COMMD1: variants seen among roughly 807,000 people sequenced by gnomAD.
The protein encoded by COMMD1 is COMM domain-containing protein 1.
Under a neutral mutation model 17.2 loss-of-function variants are expected in COMMD1, and 10 were observed. That is an observed-to-expected ratio of 0.58 (90% CI 0.36 to 0.99). The LOEUF is 0.99. COMMD1 is among the 50% of genes least tolerant of loss of function. The pLI, the probability that COMMD1 is intolerant of heterozygous loss-of-function variation, is 0.01. For synonymous variants in COMMD1, 97 were observed against 91.6 expected, an observed-to-expected ratio of 1.06 and a Z score of -0.34; for missense variants, 270 against 231.8, an observed-to-expected ratio of 1.17 and a Z score of -1.07.
chr2:62,062,050 G>C (rs1376344250), intron 2 of COMMD1, among the ~76,000 whole-genome samples: 5 of 151,266 alleles, frequency 3.3e-5, no homozygotes, highest in Non-Finnish European at 7.4e-5. Flanking sequence ...AGTGAAATGA[G>C]CAAGGACTGT....
chr2:61,994,985 C>T (rs1037901626), intron 1 of COMMD1, among the ~76,000 whole-genome samples: 1 of 152,136 alleles, frequency 6.6e-6, no homozygotes, highest in African/African-American at 2.4e-5. Context: ...GGAGGCTTAC[C>T]CTGGGGACTA....
At chr2:62,102,704 G>T (rs960766538) in intron 2 of COMMD1, among the ~76,000 whole-genome samples, 1 of 152,054 alleles carries the variant, frequency 6.6e-6, no homozygotes, top group Admixed American at 6.6e-5. Flanking sequence ...CCAAAGCCAG[G>T]CATAAAACCT....
intron 2 of COMMD1, among the ~76,000 whole-genome samples, chr2:62,117,047 T>G (rs1228813934): frequency 6.6e-6 from 1 of 150,426 alleles, no homozygotes; most frequent in Non-Finnish European, 1.5e-5. Context: ...ACAGTTCTGC[T>G]GCTGATGGTA....
At chr2:61,996,352 GTGTGTC>G (rs1456941375) in intron 1 of COMMD1, among the ~76,000 whole-genome samples, 5 of 141,416 alleles carry the variant, frequency 3.5e-5, no homozygotes, top group African/African-American at 1.0e-4. Context: ...GTGTGTGTGT[GTGTGTC>G]AGAAGTGGGA....
At chr2:61,993,734 A>G (rs1668660039) in intron 1 of COMMD1, among the ~76,000 whole-genome samples, 1 of 152,202 alleles carries the variant, frequency 6.6e-6, no homozygotes, top group Non-Finnish European at 1.5e-5. Context: ...TTCTCATTTA[A>G]TTTTTGATTG....
chr2:62,013,724 G>T (rs1340099591), intron 2 of COMMD1, among the ~76,000 whole-genome samples: 1 of 152,128 alleles, frequency 6.6e-6, no homozygotes, highest in Non-Finnish European at 1.5e-5. Context: ...TGAGGAATTG[G>T]GGGTAACACC....
intron 1 of COMMD1, among the ~76,000 whole-genome samples, chr2:61,988,535 T>C (rs1314131433): frequency 1.3e-5 from 2 of 152,112 alleles, no homozygotes; most frequent in Non-Finnish European, 2.9e-5. Flanking sequence ...GGTGTCCAAG[T>C]TGCATAACAA....
intron 2 of COMMD1, among the ~76,000 whole-genome samples, chr2:62,002,491 GAAAAAAAAAAAAA>G (rs11310507): frequency 2.1e-3 from 72 of 35,100 alleles, no homozygotes; most frequent in South Asian, 8.4e-3. Flanking sequence ...GATTCCACCA[GAAAAAAAAAAAAA>G]AAAAAAAAAA....
intron 2 of COMMD1, among the ~76,000 whole-genome samples, chr2:62,026,762 C>T (rs1349416761): frequency 1.3e-5 from 2 of 152,082 alleles, no homozygotes; most frequent in African/African-American, 4.8e-5. Flanking sequence ...GCCATGTCTC[C>T]CCACCATTAT....
At chr2:62,027,621 TTTATGTTATG>T (rs56724339) in intron 2 of COMMD1, among the ~76,000 whole-genome samples, 312 of 146,670 alleles carry the variant, frequency 2.1e-3, no homozygotes, top group Admixed American at 6.7e-3. Context: ...TATGCCTTAA[TTTATGTTATG>T]TTATGTTATG....
chr2:61,922,448 G>C lies in COMMD1; in HGVS notation c.180+16590G>C, dbSNP rs1192269754. 2.6e-5 allele frequency among the ~76,000 whole-genome samples: 4 copies of C among 152,128 alleles called. No individual in the cohort carries two copies. The South Asian group carries it at 8.3e-4, about 31-fold the overall frequency. ...TTCTCCTGCCTCAGCCTCCCAAGTA[G>C]CTGGGATTATAGGCGTGAGCTACTA... On this transcript the variant is annotated intron_variant, in intron 1 of 2. Coordinates refer to ENST00000311832, the MANE Select transcript of COMMD1 (RefSeq NM_152516.4).
chr2:61,978,756 T>A (rs1264335547), intron 1 of COMMD1, among the ~76,000 whole-genome samples: 3 of 152,164 alleles, frequency 2.0e-5, no homozygotes, highest in African/African-American at 7.2e-5. Context: ...ATAAGCTGTT[T>A]TTAGCACAGT....
chr2:61,986,847 G>C (rs1422655498), intron 1 of COMMD1, among the ~76,000 whole-genome samples: 1 of 152,050 alleles, frequency 6.6e-6, no homozygotes, highest in Non-Finnish European at 1.5e-5. Flanking sequence ...AGGATTACAG[G>C]TATGAGCCCC....
intron 1 of COMMD1, among the ~76,000 whole-genome samples, chr2:61,894,787 C>T (rs1669518907): frequency 6.6e-6 from 1 of 151,812 alleles, no homozygotes; most frequent in South Asian, 2.1e-4. Flanking sequence ...GCAACCTCCA[C>T]CTCCCAGGTT....
intron 1 of COMMD1, among the ~76,000 whole-genome samples, chr2:61,950,225 C>G (rs1267809316): frequency 1.3e-5 from 2 of 152,158 alleles, no homozygotes; most frequent in African/African-American, 4.8e-5. Flanking sequence ...GTCATAGGTC[C>G]TGGGATTTCA....
intron 2 of COMMD1, among the ~76,000 whole-genome samples, chr2:62,096,457 A>G (rs943309370): frequency 6.6e-6 from 1 of 152,222 alleles, no homozygotes; most frequent in South Asian, 2.1e-4. Flanking sequence ...AAGGAAGACT[A>G]TGATTGGGAT....
intron 1 of COMMD1, among the ~76,000 whole-genome samples, chr2:61,935,199 T>C (rs1431980574): frequency 1.3e-5 from 2 of 152,196 alleles, no homozygotes; most frequent in Non-Finnish European, 2.9e-5. Flanking sequence ...GGAGAAAAAT[T>C]GGAAACATTA....
intron 1 of COMMD1, among the ~76,000 whole-genome samples, chr2:61,893,465 C>T (rs1176028408): frequency 1.3e-5 from 2 of 151,862 alleles, no homozygotes; most frequent in Non-Finnish European, 2.9e-5. Context: ...GAGTAAACAG[C>T]CAGGTTTTCT....
intron 1 of COMMD1, among the ~76,000 whole-genome samples, chr2:61,930,696 G>T (rs1670444257): frequency 6.6e-6 from 1 of 150,514 alleles, no homozygotes; most frequent in South Asian, 2.1e-4. Context: ...AGAATTATTT[G>T]TATCCATCAT....
Sources: allele counts gnomAD v4.1 joint callset (sites outside exome capture counted in the v4.1 genomes callset), GRCh38; gene constraint gnomAD v4.1.1; transcripts MANE v1.5; gene names NCBI Gene and HGNC (gene_info 2026-07-23, HGNC 2026-07-21).